ERAP1: variants seen among roughly 807,000 people sequenced by gnomAD.
ERAP1 encodes endoplasmic reticulum aminopeptidase 1.
ERAP1 carries 86 observed loss-of-function variants against 103.7 expected under a neutral mutation model. That is an observed-to-expected ratio of 0.83 (90% CI 0.70 to 0.99). The LOEUF is 0.99. Among genes scored for constraint, ERAP1 ranks in the 50% least tolerant of loss-of-function variants. The probability of loss-of-function intolerance (pLI) is 0.00; values close to 1 mark genes in which losing one functional copy is unlikely to be tolerated. For missense variants in ERAP1, 1,009 were observed against 1,128.4 expected (o/e 0.89, Z 1.52); for synonymous variants, 398 against 402.4 (o/e 0.99, Z 0.13).
At chr5:96,870,986 T>C in the ERAP1 span, among the ~76,000 whole-genome samples, 1 of 152,216 alleles carries the variant, frequency 6.6e-6, no homozygotes, top group Non-Finnish European at 1.5e-5. Flanking sequence ...TGGCAACGTT[T>C]ATTTTCTGCT....
chr5:96,793,524 A>G lies in ERAP1; in HGVS notation c.1075-11T>C. 1.9e-6 allele frequency: 3 copies of G among 1,586,672 alleles called. No individual in the cohort carries two copies. The highest frequency in any genetic ancestry group is 2.6e-6 in the Non-Finnish European group (3 of 1,155,058). ...CAGGTTCCCAAACCACTAAAAGCAC[A>G]ACATAAGCCATAAACAAAGACACTC... On this transcript the variant is annotated splice_polypyrimidine_tract_variant and intron_variant, in intron 6 of 18. Transcript: ENST00000443439.
intron 18 of ERAP1, among the ~76,000 whole-genome samples, chr5:96,778,043 G>A (rs555294985): frequency 6.6e-6 from 1 of 152,290 alleles, no homozygotes; most frequent in East Asian, 1.9e-4. Flanking sequence ...GAAGAGCAGT[G>A]GTGAAGGATG....
the ERAP1 span, among the ~76,000 whole-genome samples, chr5:96,855,333 T>C: frequency 6.6e-6 from 1 of 152,252 alleles, no homozygotes; most frequent in African/African-American, 2.4e-5. Flanking sequence ...GACTAGATTG[T>C]TGCAGAGTTG....
the ERAP1 span, among the ~76,000 whole-genome samples, chr5:96,834,108 C>T: frequency 1.3e-5 from 2 of 152,222 alleles, no homozygotes; most frequent in Non-Finnish European, 2.9e-5. Context: ...AATTTGTTAG[C>T]ATCATCAGAT....
intron 5 of ERAP1, among the ~76,000 whole-genome samples, chr5:96,794,499 C>T (rs27530): frequency 0.046 from 6,934 of 152,162 alleles, 214 homozygotes; most frequent in South Asian, 0.11. Context: ...CTTTTCAGGC[C>T]TCTTGACTCC....
the ERAP1 span, among the ~76,000 whole-genome samples, chr5:96,874,113 G>C: frequency 9.9e-6 from 1 of 100,646 alleles, no homozygotes; most frequent in Non-Finnish European, 2.1e-5. Context: ...AAAAAAAGAA[G>C]GAAGGAAAGA....
At chr5:96,887,463 G>T in the ERAP1 span, among the ~76,000 whole-genome samples, 2 of 151,904 alleles carry the variant, frequency 1.3e-5, no homozygotes, top group South Asian at 4.2e-4. Flanking sequence ...ATCATGCCTG[G>T]CTAATTTTTG....
the ERAP1 span, chr5:96,913,323 T>G: frequency 6.2e-7 from 1 of 1,613,684 alleles, no homozygotes; most frequent in South Asian, 1.1e-5. Flanking sequence ...TCAGGTTAAT[T>G]GAACTAGGAA....
At chr5:96,926,754 T>G in the ERAP1 span, among the ~76,000 whole-genome samples, 1 of 152,232 alleles carries the variant, frequency 6.6e-6, no homozygotes, top group South Asian at 2.1e-4. Context: ...GACGTTTGTG[T>G]TGTTTATACT....
At chr5:96,865,627 T>C in the ERAP1 span, among the ~76,000 whole-genome samples, 22 of 152,192 alleles carry the variant, frequency 1.4e-4, no homozygotes, top group African/African-American at 5.3e-4. Flanking sequence ...GTTTTTAGTC[T>C]ACCAAAAAAT....
upstream of ERAP1, chr5:96,808,339 C>T (rs1000719704): frequency 2.1e-6 from 1 of 487,440 alleles, no homozygotes; most frequent in Non-Finnish European, 2.6e-6. Flanking sequence ...CAGGAAAGGG[C>T]CGGTGCTCAA....
At chr5:96,913,037 C>T in the ERAP1 span, among the ~76,000 whole-genome samples, 1 of 152,062 alleles carries the variant, frequency 6.6e-6, no homozygotes, top group African/African-American at 2.4e-5. Context: ...TCTTCAGAAA[C>T]TTGAAGAAAA....
chr5:96,926,929 G>A, the ERAP1 span, among the ~76,000 whole-genome samples: 2 of 152,090 alleles, frequency 1.3e-5, no homozygotes, highest in African/African-American at 2.4e-5. Flanking sequence ...CGAACCTCCC[G>A]CCTCAGCCCC....
chr5:96,895,801 G>A, the ERAP1 span, among the ~76,000 whole-genome samples: 29 of 152,232 alleles, frequency 1.9e-4, no homozygotes, highest in African/African-American at 6.3e-4. Context: ...CTTCAGGTAC[G>A]TCTTTTTTAA....
the ERAP1 span, chr5:96,896,965 T>TAAGTAATATGTTGGGTAACGATAGACTG: frequency 2.0e-6 from 2 of 987,684 alleles, no homozygotes; most frequent in Non-Finnish European, 2.8e-6. Flanking sequence ...GTCAACCATA[T>TAAGTAATATGTTGGGTAACGATAGACTG]TTATTCTGCT....
chr5:96,791,952 G>C, intron 8 of ERAP1, 109 bp downstream of exon 8: 1 of 1,196,204 alleles, frequency 8.4e-7, no homozygotes, highest in Non-Finnish European at 1.2e-6. Flanking sequence ...TGTCAAGAGA[G>C]AAGGCATTCA....
chr5:96,883,885 G>T, the ERAP1 span: 1 of 1,613,698 alleles, frequency 6.2e-7, no homozygotes, highest in Non-Finnish European at 8.5e-7. Flanking sequence ...TTTCAATCAA[G>T]ATACGAAGAG....
chr5:96,830,841 T>A, the ERAP1 span, among the ~76,000 whole-genome samples: 1 of 152,216 alleles, frequency 6.6e-6, no homozygotes, highest in African/African-American at 2.4e-5. Flanking sequence ...CAATCATTCA[T>A]GATCCTCCAA....
upstream of ERAP1, among the ~76,000 whole-genome samples, chr5:96,809,600 C>T (rs1246358638): frequency 6.6e-6 from 1 of 152,088 alleles, no homozygotes; most frequent in African/African-American, 2.4e-5. Flanking sequence ...AAGATTAACA[C>T]CCTGTTCCAA....
Sources: allele counts gnomAD v4.1 joint callset (sites outside exome capture counted in the v4.1 genomes callset), GRCh38; gene constraint gnomAD v4.1.1; transcripts MANE v1.5; gene names NCBI Gene and HGNC (gene_info 2026-07-23, HGNC 2026-07-21).